The following CEP72 variants were observed in gnomAD, a reference collection of about 807,000 sequenced individuals.
The protein encoded by CEP72 is centrosomal protein of 72 kDa.
In CEP72, 78 loss-of-function variants were observed where a neutral mutation model predicts 65.7. The ratio of observed to expected loss-of-function variants is 1.19; its 90% CI spans 0.99 to 1.43. The LOEUF is 1.43. CEP72 is among the 40% of genes most tolerant of loss of function. The pLI, the probability that CEP72 is intolerant of heterozygous loss-of-function variation, is 0.00. For missense variants in CEP72, 914 were observed against 832.9 expected (o/e 1.10, Z -1.20); for synonymous variants, 358 against 351.7 (o/e 1.02, Z -0.20).
intron 4 of CEP72, among the ~76,000 whole-genome samples, chr5:625,511 G>T (rs565103760): frequency 9.2e-5 from 14 of 152,300 alleles, no homozygotes; most frequent in African/African-American, 2.9e-4. Flanking sequence ...AGGATGGTGT[G>T]CCCGTAAGAT....
chr5:619,049 C>T lies in CEP72; in HGVS notation c.142C>T (p.His48Tyr), dbSNP rs2126733701. 1 of 1,612,460 alleles carries T rather than the reference C, an allele frequency of 6.2e-7. No homozygotes were observed. Among genetic ancestry groups the T allele is most frequent in the African/African-American group, 1.3e-5 (1 of 75,006 alleles). ...CCAAGAGAAGATCACCCACCTGGGA[C>T]ATTCTCTGATGAGTTTAACAGGTCT... The part of the protein sequence containing the change: ...TYQEKITHLG[H>Y]SLMSLTGLKS... Residue 48 changes from histidine to tyrosine, a missense_variant, in exon 2 of 12, where the codon CAT (histidine) becomes TAT (tyrosine). His to Tyr is a moderately conservative substitution (Grantham distance 83, BLOSUM62 2). Coordinates refer to ENST00000264935, the MANE Select transcript of CEP72 (RefSeq NM_018140.4).
At chr5:665,183 C>T (rs1269594902) in exon 3 of CEP72, 5 of 1,613,800 alleles carry the variant, frequency 3.1e-6, no homozygotes, top group South Asian at 2.2e-5. Context: ...CCACCAGATC[C>T]ACGCGGCCAG....
chr5:612,713 C>T, intron 1 of CEP72: 1 of 846,206 alleles, frequency 1.2e-6, no homozygotes, highest in Non-Finnish European at 1.4e-6. Flanking sequence ...GGGGTTACAT[C>T]CGCTGAGAAG....
chr5:640,267 C>A, intron 8 of CEP72, 141 bp from the exon 9 acceptor site: 1 of 1,135,938 alleles, frequency 8.8e-7, no homozygotes, highest in Non-Finnish European at 1.2e-6. Flanking sequence ...GGTTTTGTGG[C>A]GCCAACACCC....
At chr5:621,089 G>C (rs1736359825) in intron 3 of CEP72, among the ~76,000 whole-genome samples, 1 of 152,156 alleles carries the variant, frequency 6.6e-6, no homozygotes, top group Non-Finnish European at 1.5e-5. Flanking sequence ...ATGCTGTGTT[G>C]ACATGTCGTG....
intron 9 of CEP72, 47 bp downstream of exon 9, chr5:640,651 A>G (rs1260491561): frequency 1.9e-6 from 3 of 1,555,002 alleles, no homozygotes; most frequent in East Asian, 2.3e-5. Flanking sequence ...ACTGGGGGAA[A>G]CATGGCTCTG....
At chr5:668,797 C>T (rs1410274206), downstream of CEP72, among the ~76,000 whole-genome samples, 1 of 152,238 alleles carries the variant, frequency 6.6e-6, no homozygotes, top group African/African-American at 2.4e-5. Flanking sequence ...CAGCAGCGGC[C>T]AGACCACAGT....
In CEP72 at chr5:639,204, A is replaced by G. The variant is rs1200781960; in HGVS notation, c.1322A>G (p.His441Arg). The part of the protein sequence containing the change: ...DRSWGGCRSL[H>R]SNEAFLAQAR... ...AGCTGGGGCGGCTGCAGGTCCCTGCACAGCAACGAGGCATTCCTTGGTGAG... is the reference window on the plus strand; with the variant it reads ...AGCTGGGGCGGCTGCAGGTCCCTGCGCAGCAACGAGGCATTCCTTGGTGAG... The change falls in exon 8 of 12, where the codon CAC becomes CGC. Residue 441 changes from histidine (H) to arginine (R), a missense_variant. By Grantham distance (29) the His-to-Arg change is conservative. Coordinates refer to ENST00000264935, the MANE Select transcript of CEP72 (RefSeq NM_018140.4). The G allele has an allele frequency of 1.3e-6, 2 of 1,590,552 alleles. No homozygotes were observed. The highest frequency in any genetic ancestry group is 2.7e-5 in the African/African-American group (2 of 74,456).
chr5:616,565 C>CT (rs1487830940), intron 1 of CEP72, among the ~76,000 whole-genome samples: 1 of 152,138 alleles, frequency 6.6e-6, no homozygotes, highest in Non-Finnish European at 1.5e-5. Context: ...TCATGAGACT[C>CT]TGCTTCCTGT....
chr5:618,936 T>C, intron 1 of CEP72, 54 bp from the exon 2 acceptor site: 3 of 1,423,180 alleles, frequency 2.1e-6, no homozygotes, highest in East Asian at 2.4e-5. Context: ...TTGACCGTTA[T>C]TATAATTGTT....
In CEP72 at chr5:623,626, G is replaced by A. The variant is rs146939372; in HGVS notation, c.404-845G>A. On this transcript the variant is annotated intron_variant, in intron 3 of 11. Coordinates refer to ENST00000264935, the MANE Select transcript of CEP72 (RefSeq NM_018140.4). The surrounding 1 kb of genome is among the most constrained non-coding windows in gnomAD (Gnocchi z 5.3). ...GCAGAGAGCTATGCGTCGTTAGTGCGGGGCTGGTGAAGGCCGGGGTGGAAA... is the reference window on the plus strand; with the variant it reads ...GCAGAGAGCTATGCGTCGTTAGTGCAGGGCTGGTGAAGGCCGGGGTGGAAA... Among the ~76,000 whole-genome samples, 404 of 152,182 alleles carry A rather than the reference G, an allele frequency of 2.7e-3. 2 individuals carry two copies. The highest frequency in any genetic ancestry group is 9.3e-3 in the African/African-American group (387 of 41,506).
chr5:656,267 G>A (rs189936992), downstream of CEP72, among the ~76,000 whole-genome samples: 125 of 152,298 alleles, frequency 8.2e-4, no homozygotes, highest in Non-Finnish European at 2.4e-4. Flanking sequence ...TCTTATGTTA[G>A]GATGTCTTGG....
At chr5:661,798 G>A (rs1420405501), downstream of CEP72, 1 of 152,392 alleles carries the variant, frequency 6.6e-6, no homozygotes, top group Non-Finnish European at 1.5e-5. Flanking sequence ...TCCTGGCTAG[G>A]TGACAGAGAT....
At chr5:666,271 C>A (rs1003578635) in intron 4 of CEP72, 27 of 878,416 alleles carry the variant, frequency 3.1e-5, no homozygotes, top group Non-Finnish European at 4.3e-5. Context: ...ACTGCAAATC[C>A]AAACTGTCTT....
chr5:626,252 G>A (rs559613829), intron 4 of CEP72, among the ~76,000 whole-genome samples: 1 of 151,734 alleles, frequency 6.6e-6, no homozygotes, highest in African/African-American at 2.4e-5. Flanking sequence ...CCTTATCTGG[G>A]GCTTCCAGCA....
chr5:650,433 C>T (rs1310087001), intron 11 of CEP72, among the ~76,000 whole-genome samples: 4 of 33,042 alleles, frequency 1.2e-4, no homozygotes, highest in African/African-American at 4.0e-4. Flanking sequence ...GACTGTGAGG[C>T]GTGGACTGAG....
intron 3 of CEP72, among the ~76,000 whole-genome samples, chr5:620,968 G>A (rs115759493): frequency 3.0e-4 from 46 of 152,328 alleles, no homozygotes; most frequent in Middle Eastern, 6.8e-3. Context: ...CACAGATCCA[G>A]GAGAGAAAGC....
At chr5:650,774 T>TG (rs1431887459) in intron 11 of CEP72, among the ~76,000 whole-genome samples, 21 of 52,074 alleles carry the variant, frequency 4.0e-4, no homozygotes, top group Non-Finnish European at 6.1e-4. Context: ...CTGTGAGGTG[T>TG]GACTGTGAGG....
downstream of CEP72, among the ~76,000 whole-genome samples, chr5:658,306 C>T (rs1739436710): frequency 6.6e-6 from 1 of 152,206 alleles, no homozygotes; most frequent in African/African-American, 2.4e-5. Flanking sequence ...ACAGGGAGCT[C>T]CCTAGCAGGT....
Sources: allele counts gnomAD v4.1 joint callset (sites outside exome capture counted in the v4.1 genomes callset), GRCh38; gene constraint gnomAD v4.1.1; non-coding constraint Gnocchi (gnomAD v3.1); transcripts MANE v1.5; gene names NCBI Gene and HGNC (gene_info 2026-07-23, HGNC 2026-07-21).